ANXA8: variants seen among roughly 807,000 people sequenced by gnomAD.
The protein encoded by ANXA8 is annexin A8, also known as VAC-beta.
Under a neutral mutation model 26.8 loss-of-function variants are expected in ANXA8, and 9 were observed. The observed-to-expected ratio is 0.34, with a 90% confidence interval of 0.20 to 0.59. ANXA8 has a LOEUF of 0.59. Among genes scored for constraint, ANXA8 ranks in the 20% least tolerant of loss-of-function variants. The pLI, the probability that ANXA8 is intolerant of heterozygous loss-of-function variation, is 0.84. For synonymous variants in ANXA8, 39 were observed against 94.8 expected (o/e 0.41, Z 3.42); for missense variants, 83 against 238.5 (o/e 0.35, Z 4.29).
the ANXA8 span, chr10:47,496,177 C>A: frequency 6.6e-6 from 1 of 151,916 alleles, no homozygotes; most frequent in Non-Finnish European, 1.5e-5. Context: ...GAATGCTCTC[C>A]ACTAGATTCC....
the ANXA8 span, among the ~76,000 whole-genome samples, chr10:47,738,642 T>G: frequency 1.1e-4 from 17 of 151,902 alleles, no homozygotes; most frequent in South Asian, 1.7e-3. Context: ...AGTGGTATGA[T>G]CTCAGCTCAC....
chr10:47,744,128 G>C, the ANXA8 span, among the ~76,000 whole-genome samples: 3 of 148,322 alleles, frequency 2.0e-5, no homozygotes, highest in Non-Finnish European at 4.5e-5. Flanking sequence ...GGAAGGACTC[G>C]TTGAATGCAC....
the ANXA8 span, among the ~76,000 whole-genome samples, chr10:47,941,641 A>T: frequency 6.9e-6 from 1 of 145,160 alleles, no homozygotes; most frequent in African/African-American, 2.7e-5. Context: ...TCTGTCTCAA[A>T]AAAAGAAAAA....
At chr10:47,716,043 A>G in the ANXA8 span, among the ~76,000 whole-genome samples, 1 of 148,680 alleles carries the variant, frequency 6.7e-6, no homozygotes, top group African/African-American at 2.6e-5. Flanking sequence ...GCTAGTGCAT[A>G]CCATCAGTGC....
At chr10:47,986,001 T>C in the ANXA8 span, 5 of 151,500 alleles carry the variant, frequency 3.3e-5, no homozygotes, top group Admixed American at 2.6e-4. Flanking sequence ...TGAATGAATA[T>C]TTGGGTTATT....
the ANXA8 span, among the ~76,000 whole-genome samples, chr10:47,626,624 T>C: frequency 6.0e-4 from 90 of 150,260 alleles, 10 homozygotes; most frequent in African/African-American, 2.1e-3. Context: ...TTGGGCCACA[T>C]ACATAATTAA....
At chr10:47,743,378 ATGTGTGTG>A in the ANXA8 span, among the ~76,000 whole-genome samples, 161 of 59,798 alleles carry the variant, frequency 2.7e-3, 3 homozygotes, top group Middle Eastern at 0.017. Context: ...ATACATATAT[ATGTGTGTG>A]TGTGTGTGTG....
At chr10:47,749,518 G>A in the ANXA8 span, among the ~76,000 whole-genome samples, 4 of 139,970 alleles carry the variant, frequency 2.9e-5, no homozygotes, top group African/African-American at 7.8e-5. Context: ...TAGAATGGAG[G>A]TAAATAGAGA....
At chr10:47,528,998 G>A in the ANXA8 span, among the ~76,000 whole-genome samples, 2 of 141,534 alleles carry the variant, frequency 1.4e-5, no homozygotes, top group Non-Finnish European at 3.1e-5. Context: ...TACCATTTTG[G>A]ATAATTCTTG....
At chr10:47,674,169 T>C in the ANXA8 span, among the ~76,000 whole-genome samples, 1 of 150,422 alleles carries the variant, frequency 6.6e-6, no homozygotes, top group East Asian at 1.9e-4. Flanking sequence ...TCTCACTCTG[T>C]CACCCAGGCT....
chr10:47,749,961 C>T, the ANXA8 span, among the ~76,000 whole-genome samples: 1 of 151,730 alleles, frequency 6.6e-6, no homozygotes, highest in Non-Finnish European at 1.5e-5. Context: ...GTAGAGAAAG[C>T]CATTTCACAT....
chr10:47,980,859 C>A, the ANXA8 span, among the ~76,000 whole-genome samples: 1 of 150,924 alleles, frequency 6.6e-6, no homozygotes, highest in African/African-American at 2.4e-5. Context: ...AAGCTCAGTA[C>A]CAAATGGTTT....
chr10:47,948,483 G>A, the ANXA8 span, among the ~76,000 whole-genome samples: 1 of 137,582 alleles, frequency 7.3e-6, no homozygotes, highest in Non-Finnish European at 1.5e-5. Flanking sequence ...ATTTCTTTAT[G>A]AAATGAACAG....
At chr10:47,619,974 A>G in the ANXA8 span, among the ~76,000 whole-genome samples, 2 of 110,278 alleles carry the variant, frequency 1.8e-5, no homozygotes, top group Non-Finnish European at 2.0e-5. Context: ...ATATTAGTCT[A>G]TAATTGAAAA....
the ANXA8 span, chr10:47,581,337 C>A: frequency 2.1e-5 from 10 of 465,556 alleles, no homozygotes; most frequent in East Asian, 5.5e-4. Flanking sequence ...CCATTCATCA[C>A]CTGCCTGAAT....
the ANXA8 span, among the ~76,000 whole-genome samples, chr10:47,744,441 A>T: frequency 6.3e-4 from 4 of 6,364 alleles, no homozygotes; most frequent in Admixed American, 2.4e-3. Context: ...AGGGGGGAAG[A>T]GGGGGGGCCT....
At chr10:47,740,355 T>TA in the ANXA8 span, among the ~76,000 whole-genome samples, 3 of 145,732 alleles carry the variant, frequency 2.1e-5, no homozygotes, top group Non-Finnish European at 4.5e-5. Flanking sequence ...TCTTGGAATT[T>TA]AAAAAAAAAT....
the ANXA8 span, among the ~76,000 whole-genome samples, chr10:47,659,482 C>G: frequency 1.3e-5 from 2 of 151,304 alleles, no homozygotes; most frequent in Admixed American, 6.6e-5. Flanking sequence ...GAGTTCGAGA[C>G]CAGCCTCAGT....
intron 11 of ANXA8, 141 bp from the exon 12 acceptor site, chr10:47,469,047 G>T (rs1176542049): frequency 8.5e-6 from 11 of 1,291,592 alleles, no homozygotes; most frequent in Non-Finnish European, 4.3e-6. Flanking sequence ...CGCAGGGGTT[G>T]TGCCATCACC....
Sources: gnomAD v4.1 joint callset for allele counts (sites outside exome capture counted in the v4.1 genomes callset) on GRCh38, gnomAD v4.1.1 for gene constraint, MANE v1.5 for transcripts, NCBI Gene and HGNC (gene_info 2026-07-23, HGNC 2026-07-21) for gene names.